The following FUBP3 variants were observed in gnomAD, a reference collection of about 807,000 sequenced individuals.
FUBP3 encodes far upstream element-binding protein 3.
Under a neutral mutation model 85.6 loss-of-function variants are expected in FUBP3, and 28 were observed. The ratio of observed to expected loss-of-function variants is 0.33; its 90% CI spans 0.24 to 0.45. The LOEUF is 0.45. Ranked by LOEUF, FUBP3 falls within the 20% of genes least tolerant of loss-of-function variation. The pLI is 1.00. For synonymous variants in FUBP3, 271 were observed against 271.4 expected (o/e 1.00, Z 0.01); for missense variants, 583 against 755.1 (o/e 0.77, Z 2.67).
intron 6 of FUBP3, among the ~76,000 whole-genome samples, chr9:130,615,658 A>G (rs1831965877): frequency 6.6e-6 from 1 of 152,210 alleles, no homozygotes; most frequent in Non-Finnish European, 1.5e-5. Flanking sequence ...CCGCTGCCCA[A>G]GAAACCAACA....
chr9:130,616,238 T>C lies in FUBP3; in HGVS notation c.405-117T>C. 1.1e-6 allele frequency: 1 copy of C among 888,878 alleles called. No individual in the cohort carries two copies. Among genetic ancestry groups the C allele is most frequent in the Non-Finnish European group, 1.8e-6 (1 of 570,188 alleles). 55.1% of individuals were successfully genotyped at this position (888,878 alleles called of 1,614,324 possible). ...GGGTTGTGGGGGCAGGAGCTGGAGCTGGATGGAGGGCTGCCCTGACTCCCG... is the reference window on the plus strand; with the variant it reads ...GGGTTGTGGGGGCAGGAGCTGGAGCCGGATGGAGGGCTGCCCTGACTCCCG... On this transcript the variant is annotated intron_variant, in intron 6 of 18. Transcript: ENST00000319725. This position sits in a 1 kb window ranked among gnomAD's most constrained non-coding sequence, Gnocchi z 4.7.
At chr9:130,587,559 G>A (rs574125779) in intron 1 of FUBP3, among the ~76,000 whole-genome samples, 14 of 152,320 alleles carry the variant, frequency 9.2e-5, no homozygotes, top group Non-Finnish European at 2.1e-4. Context: ...TTTAAATGTA[G>A]CAGGTGTTTA....
intron 11 of FUBP3, among the ~76,000 whole-genome samples, chr9:130,624,400 A>C (rs1174058268): frequency 6.6e-6 from 1 of 152,138 alleles, no homozygotes; most frequent in Non-Finnish European, 1.5e-5. Context: ...ACAAATGTGT[A>C]GGCCCCCACC....
rs750359897 is a variant in FUBP3, at chr9:130,612,929, A to G, written c.275-27A>G. 2.0e-6 allele frequency: 3 copies of G among 1,512,114 alleles called. No individual in the cohort carries two copies. In the African/African-American group the frequency reaches 4.1e-5, roughly 21 times the overall value. The allele number at this position is 1,512,114 out of a possible 1,614,324, so 93.7% of individuals were successfully genotyped here. ...GGTGAAATATGGAATAGGGGCGTGT[A>G]TTCTGACCCTGTTCAATTTGTTTCA... On this transcript the variant is annotated intron_variant, in intron 4 of 18. Transcript: ENST00000319725. This position sits in a 1 kb window ranked among gnomAD's most constrained non-coding sequence, Gnocchi z 4.1.
intron 1 of FUBP3, among the ~76,000 whole-genome samples, chr9:130,589,675 G>GTATATATATA (rs1170568300): frequency 3.3e-3 from 113 of 34,234 alleles, no homozygotes; most frequent in Non-Finnish European, 4.2e-3. Context: ...GTATGTGTGT[G>GTATATATATA]TATATATATA....
At chr9:130,615,292 T>A (rs866522690) in intron 6 of FUBP3, among the ~76,000 whole-genome samples, 2 of 152,224 alleles carry the variant, frequency 1.3e-5, no homozygotes, top group South Asian at 4.1e-4. Context: ...CGAAGCTGAT[T>A]CTGTACACAA....
chr9:130,590,051 T>TG (rs1830556724), intron 1 of FUBP3, among the ~76,000 whole-genome samples: 1 of 83,828 alleles, frequency 1.2e-5, no homozygotes, highest in Non-Finnish European at 2.4e-5. Flanking sequence ...TTTTTTTTTT[T>TG]GCCTGTGACA....
Position 130,632,297 on chromosome 9 carries a change from G to A in FUBP3, c.1510+19G>A. On this transcript the variant is annotated intron_variant, in intron 16 of 18. Coordinates refer to ENST00000319725, the MANE Select transcript of FUBP3 (RefSeq NM_003934.2). ...GTCCCAAGTAAGTGACTCGGGGCGG[G>A]GAGTGCATGCCCTCCAGAAAGGTTG... 1 of 1,588,310 alleles carries A rather than the reference G, an allele frequency of 6.3e-7. No homozygotes were observed. Among genetic ancestry groups the A allele is most frequent in the Non-Finnish European group, 8.6e-7 (1 of 1,158,676 alleles).
intron 9 of FUBP3, among the ~76,000 whole-genome samples, 184 bp downstream of exon 9, chr9:130,620,642 C>G (rs955583781): frequency 6.6e-6 from 1 of 152,140 alleles, no homozygotes; most frequent in African/African-American, 2.4e-5. Context: ...AGTGAGGGAG[C>G]TGGCTACACT....
At chr9:130,588,628 G>T (rs1441025343) in intron 1 of FUBP3, among the ~76,000 whole-genome samples, 1 of 152,164 alleles carries the variant, frequency 6.6e-6, no homozygotes, top group Non-Finnish European at 1.5e-5. Context: ...TACAATTCCA[G>T]GCAAACTGGT....
intron 11 of FUBP3, among the ~76,000 whole-genome samples, chr9:130,625,454 A>C (rs894993375): frequency 6.6e-6 from 1 of 152,216 alleles, no homozygotes; most frequent in Non-Finnish European, 1.5e-5. Context: ...CTTTACTCTT[A>C]ATCAACATGA....
At chr9:130,595,661 T>G (rs904409171) in intron 2 of FUBP3, 73 bp downstream of exon 2, 2 of 785,642 alleles carry the variant, frequency 2.5e-6, no homozygotes, top group Non-Finnish European at 4.7e-6. Context: ...TTGTCAGCCA[T>G]TACCTTAACG....
At chr9:130,594,619 C>T (rs1049507666) in intron 1 of FUBP3, among the ~76,000 whole-genome samples, 2 of 151,930 alleles carry the variant, frequency 1.3e-5, no homozygotes, top group Non-Finnish European at 2.9e-5. Context: ...TTTAGCTGGA[C>T]GTGGTGGTGC....
chr9:130,599,466 A>T (rs1831043038), intron 2 of FUBP3, among the ~76,000 whole-genome samples: 1 of 151,526 alleles, frequency 6.6e-6, no homozygotes, highest in African/African-American at 2.4e-5. Context: ...ATAGAAAGGG[A>T]TTTGGGTTAG....
At chr9:130,619,946 C>T (rs539865844) in intron 8 of FUBP3, among the ~76,000 whole-genome samples, 1 of 152,320 alleles carries the variant, frequency 6.6e-6, no homozygotes, top group South Asian at 2.1e-4. Context: ...CATGGACCTG[C>T]CCTCAGTGGG....
chr9:130,620,338 GT>G lies in FUBP3; in HGVS notation c.667-13del, dbSNP rs1287070114. ...GGAATTTTTTCTCATAATGCTTTTT[GT>G]TTGTGTTTATGCAGCAAGCAAGAGA... On this transcript the variant is annotated splice_polypyrimidine_tract_variant and intron_variant, in intron 8 of 18. Transcript: ENST00000319725. The G allele has an allele frequency of 6.9e-7, 1 of 1,447,938 alleles. No homozygotes were observed. Among genetic ancestry groups the G allele is most frequent in the Non-Finnish European group, 9.5e-7 (1 of 1,054,986 alleles). 89.7% of individuals were successfully genotyped at this position (1,447,938 alleles called of 1,614,324 possible).
intron 2 of FUBP3, among the ~76,000 whole-genome samples, chr9:130,600,096 C>T (rs1831077392): frequency 7.4e-6 from 1 of 135,962 alleles, no homozygotes; most frequent in African/African-American, 3.3e-5. Context: ...CCTTTTCCTT[C>T]CTTCCTCCCT....
intron 1 of FUBP3, among the ~76,000 whole-genome samples, chr9:130,594,486 G>A (rs984874628): frequency 6.6e-6 from 1 of 152,126 alleles, no homozygotes; most frequent in Non-Finnish European, 1.5e-5. Flanking sequence ...AGGAGGCTGA[G>A]GCAGGAGAAT....
chr9:130,616,624 T>C lies in FUBP3; in HGVS notation c.567+107T>C. On this transcript the variant is annotated intron_variant, in intron 7 of 18. Transcript: ENST00000319725. This position sits in a 1 kb window ranked among gnomAD's most constrained non-coding sequence, Gnocchi z 4.7. ...TGGCATTCCCTGGCTGGGCTGGCTT[T>C]GTGCAGCATTGTGCTGAGGCTTCCT... 1.0e-6 allele frequency: 1 copy of C among 989,736 alleles called. No homozygotes were observed. Among genetic ancestry groups the C allele is most frequent in the Non-Finnish European group, 1.5e-6 (1 of 653,018 alleles). The allele number at this position is 989,736 out of a possible 1,614,324, so 61.3% of individuals were successfully genotyped here.
Sources: allele counts gnomAD v4.1 joint callset (sites outside exome capture counted in the v4.1 genomes callset), GRCh38; gene constraint gnomAD v4.1.1; non-coding constraint Gnocchi (gnomAD v3.1); transcripts MANE v1.5; gene names NCBI Gene and HGNC (gene_info 2026-07-23, HGNC 2026-07-21).